CDKL5: variants seen among roughly 807,000 people sequenced by gnomAD.
The protein encoded by CDKL5 is cyclin dependent kinase like 5, also known as cyclin-dependent kinase-like 5.
Under a neutral mutation model 61.7 loss-of-function variants are expected in CDKL5, and 8 were observed. That is an observed-to-expected ratio of 0.13 (90% CI 0.08 to 0.23). The LOEUF (loss-of-function observed/expected upper bound fraction) is 0.23. Among genes scored for constraint, CDKL5 ranks in the 10% least tolerant of loss-of-function variants. The pLI is 1.00. For missense variants in CDKL5, 440 were observed against 734.5 expected (o/e 0.60, Z 4.63); for synonymous variants, 275 against 272.3 (o/e 1.01, Z -0.10).
chrX:18,599,707 A>C (rs923361939), intron 11 of CDKL5, among the ~76,000 whole-genome samples: 1 of 112,185 alleles, frequency 8.9e-6, no homozygotes, highest in African/African-American at 3.2e-5. Context: ...CTCCTGCCTC[A>C]GTCTCCCCAT....
At chrX:18,487,870 C>A (rs1921847311) in intron 1 of CDKL5, among the ~76,000 whole-genome samples, 1 of 110,412 alleles carries the variant, frequency 9.1e-6, no homozygotes, top group African/African-American at 3.3e-5. Context: ...GAGCCTAGAT[C>A]CCCCTACTGC....
chrX:18,641,928 G>T, downstream of CDKL5: 1 of 1,071,925 alleles, frequency 9.3e-7, no homozygotes. Context: ...TGTCCATCTC[G>T]GTGGTGTGTG....
intron 1 of CDKL5, among the ~76,000 whole-genome samples, chrX:18,475,646 A>G (rs1921280793): frequency 8.9e-6 from 1 of 112,282 alleles, no homozygotes; most frequent in Non-Finnish European, 1.9e-5. Context: ...TAATTGGAAA[A>G]TTATCATCTC....
intron 3 of CDKL5, among the ~76,000 whole-genome samples, chrX:18,530,172 C>CA (rs1229065685): frequency 4.3e-4 from 43 of 98,996 alleles, no homozygotes; most frequent in Middle Eastern, 4.9e-3. Flanking sequence ...ACTAAAAATA[C>CA]AAAAAAAAAA....
At chrX:18,442,958 A>G (rs2147626454) in intron 1 of CDKL5, among the ~76,000 whole-genome samples, 1 of 112,099 alleles carries the variant, frequency 8.9e-6, no homozygotes, top group South Asian at 3.7e-4. Flanking sequence ...CCTCCTGAAT[A>G]AGACCAAGAG....
At chrX:18,465,627 C>T (rs973892751) in intron 1 of CDKL5, among the ~76,000 whole-genome samples, 7 of 111,394 alleles carry the variant, frequency 6.3e-5, no homozygotes, top group African/African-American at 2.3e-4. Flanking sequence ...CGAGATTGTG[C>T]CACTGCTCTC....
chrX:18,575,530 T>G (rs1294070649), intron 5 of CDKL5, 40 bp downstream of exon 5: 1 of 1,151,944 alleles, frequency 8.7e-7, no homozygotes, highest in Admixed American at 2.2e-5. Context: ...TGCCCGATTC[T>G]TTTATTTAAG....
At position 18,481,269 on chromosome X, in the gene CDKL5, T is replaced by G. The variant is rs542177465; in HGVS notation, c.-162-25666T>G. Among the ~76,000 whole-genome samples, 29 of 109,749 alleles carry G rather than the reference T, an allele frequency of 2.6e-4. No homozygotes were observed. In the South Asian group the frequency reaches 0.011, roughly 41 times the overall value. On this transcript the variant is annotated intron_variant, in intron 1 of 17. Coordinates refer to ENST00000623535, the MANE Select transcript of CDKL5 (RefSeq NM_001323289.2). ...TAGAATATGCTCCAGGCTCATCTTG[T>G]ACATTTTTATGCCCCAGTCCTAGTT...
At chrX:18,621,751 CTTACTT>C (rs1179128524) in intron 16 of CDKL5, among the ~76,000 whole-genome samples, 1 of 111,284 alleles carries the variant, frequency 9.0e-6, no homozygotes, top group Admixed American at 9.6e-5. Flanking sequence ...TTAACTGAAG[CTTACTT>C]TTAAAGTGTC....
intron 11 of CDKL5, among the ~76,000 whole-genome samples, chrX:18,601,092 G>A (rs1336671504): frequency 8.9e-6 from 1 of 111,746 alleles, no homozygotes; most frequent in African/African-American, 3.3e-5. Context: ...CACATTGGTT[G>A]CCACGTACAA....
At chrX:18,581,746 TG>T in intron 6 of CDKL5, 144 bp from the exon 7 acceptor site, 1 of 404,125 alleles carries the variant, frequency 2.5e-6, no homozygotes, top group Non-Finnish European at 4.3e-6. Flanking sequence ...CAGCATAAAA[TG>T]TGTTACTTTA....
chrX:18,513,483 A>T (rs995343890), intron 3 of CDKL5, among the ~76,000 whole-genome samples: 24 of 110,716 alleles, frequency 2.2e-4, no homozygotes, highest in African/African-American at 8.0e-4. Context: ...AGAAGAATAG[A>T]TAACTTAAAA....
chrX:18,495,599 C>G (rs1385145165), intron 1 of CDKL5, among the ~76,000 whole-genome samples: 1 of 111,827 alleles, frequency 8.9e-6, no homozygotes, highest in Non-Finnish European at 1.9e-5. Flanking sequence ...CTACCAGGGA[C>G]AAACTGTTTA....
chrX:18,609,155 G>A (rs1309491807), intron 13 of CDKL5, among the ~76,000 whole-genome samples: 1 of 111,593 alleles, frequency 9.0e-6, no homozygotes, highest in Non-Finnish European at 1.9e-5. Flanking sequence ...CACTTTGGGA[G>A]GCTGAGGTGG....
intron 1 of CDKL5, among the ~76,000 whole-genome samples, chrX:18,442,603 C>T (rs1335072411): frequency 9.0e-6 from 1 of 111,336 alleles, no homozygotes; most frequent in Non-Finnish European, 1.9e-5. Flanking sequence ...ACGCCATTCT[C>T]CTGCCTCAGC....
At position 18,603,899 on chromosome X, in the gene CDKL5, T is replaced by C. The variant is rs2147160073; in HGVS notation, c.978-3T>C. 8.3e-7 allele frequency: 1 copy of C among 1,211,160 alleles called. No homozygotes were observed. Among genetic ancestry groups the C allele is most frequent in the Non-Finnish European group, 1.1e-6 (1 of 894,880 alleles). On this transcript the variant is annotated splice_region_variant and splice_polypyrimidine_tract_variant and intron_variant, in intron 11 of 17. Transcript: ENST00000623535. ...TGATATACTTCTTTTGTTTTTAACATAGAAACCAAGCCGGCAAAAGTACTG... is the reference window on the plus strand; with the variant it reads ...TGATATACTTCTTTTGTTTTTAACACAGAAACCAAGCCGGCAAAAGTACTG...
Position 18,584,203 on chromosome X carries a change from G to A in CDKL5, c.464-60G>A, listed in dbSNP as rs1275214885. On this transcript the variant is annotated intron_variant, in intron 7 of 17. Transcript: ENST00000623535. ...AGTATTACTAGCGCTGAAATATTTTGCCCACATGAATTATTATTTCTTTTT... is the reference window on the plus strand; with the variant it reads ...AGTATTACTAGCGCTGAAATATTTTACCCACATGAATTATTATTTCTTTTT... The A allele has an allele frequency of 7.1e-6, 5 of 703,720 alleles. No homozygotes were observed. The African/African-American group carries it at 8.4e-5, about 12-fold the overall frequency. The allele number at this position is 703,720 out of a possible 1,213,427, so 58.0% of individuals were successfully genotyped here.
intron 1 of CDKL5, among the ~76,000 whole-genome samples, chrX:18,468,828 A>G (rs915339690): frequency 9.0e-6 from 1 of 111,165 alleles, no homozygotes; most frequent in South Asian, 3.7e-4. Context: ...CTCGTATTGA[A>G]GTATGGTTCT....
intron 9 of CDKL5, among the ~76,000 whole-genome samples, chrX:18,590,388 C>T (rs1160008902): frequency 6.3e-5 from 7 of 111,895 alleles, no homozygotes; most frequent in African/African-American, 2.3e-4. Flanking sequence ...CTCTGAAATG[C>T]GTAGTTCTCA....
Sources: allele counts gnomAD v4.1 joint callset (sites outside exome capture counted in the v4.1 genomes callset), GRCh38; gene constraint gnomAD v4.1.1; transcripts MANE v1.5; gene names NCBI Gene and HGNC (gene_info 2026-07-23, HGNC 2026-07-21).